MYL4: variants seen among roughly 807,000 people sequenced by gnomAD.
MYL4 encodes the protein myosin light chain 4, also known as atrial myosin light chain 1.
A neutral mutation model predicts 21.6 loss-of-function variants in MYL4; 16 were observed. The observed-to-expected ratio is 0.74, with a 90% CI of 0.50 to 1.12. The LOEUF is 1.12. Ranked by LOEUF, MYL4 falls within the 50% of genes most tolerant of loss-of-function variation. The probability of loss-of-function intolerance (pLI) is 0.00; values close to 1 mark genes in which losing one functional copy is unlikely to be tolerated. For missense variants in MYL4, 249 were observed against 252.9 expected, an observed-to-expected ratio of 0.98 and a Z score of 0.11; for synonymous variants, 82 against 95.7, an observed-to-expected ratio of 0.86 and a Z score of 0.83.
upstream of MYL4, among the ~76,000 whole-genome samples, chr17:47,208,795 C>G (rs1431573000): frequency 1.3e-5 from 2 of 152,046 alleles, no homozygotes; most frequent in Admixed American, 6.6e-5. Flanking sequence ...TCCTGGGATG[C>G]CTGCTCTGGA....
chr17:47,203,749 C>T (rs1008208090), intron 1 of MYL4, among the ~76,000 whole-genome samples: 6 of 152,164 alleles, frequency 3.9e-5, no homozygotes, highest in Admixed American at 1.3e-4. Flanking sequence ...CTTGGCCATA[C>T]AGGTTGTTCT....
At chr17:47,197,770 G>C (rs2149036930), upstream of MYL4, among the ~76,000 whole-genome samples, 1 of 152,304 alleles carries the variant, frequency 6.6e-6, no homozygotes, top group East Asian at 1.9e-4. Context: ...GTTTAAGGTA[G>C]GCTTTGCTAA....
chr17:47,203,214 G>A (rs2064715711), intron 1 of MYL4, among the ~76,000 whole-genome samples: 1 of 152,194 alleles, frequency 6.6e-6, no homozygotes, highest in Admixed American at 6.5e-5. Flanking sequence ...GCCTCCCAAA[G>A]TGCTGGGAAT....
chr17:47,206,451 C>T (rs967614386), upstream of MYL4, among the ~76,000 whole-genome samples: 4 of 151,964 alleles, frequency 2.6e-5, no homozygotes, highest in African/African-American at 7.3e-5. Flanking sequence ...GTTGTGTGTG[C>T]GTGTGTGTTT....
chr17:47,193,416 C>T, the MYL4 span, among the ~76,000 whole-genome samples: 13 of 152,138 alleles, frequency 8.5e-5, no homozygotes, highest in Non-Finnish European at 1.5e-4. Context: ...TACAGGTGTG[C>T]GCCACCACAC....
chr17:47,195,269 G>A, the MYL4 span, among the ~76,000 whole-genome samples: 2 of 140,470 alleles, frequency 1.4e-5, no homozygotes, highest in African/African-American at 5.3e-5. Context: ...TGCTCTTGTT[G>A]CCCAGGCTGG....
At chr17:47,209,818 T>G in intron 1 of MYL4, 1 of 570,614 alleles carries the variant, frequency 1.8e-6, no homozygotes, top group South Asian at 2.0e-5. Context: ...GCAGCTAAGT[T>G]GGGAATGGGG....
At chr17:47,227,343 T>A (rs1011741870), downstream of MYL4, among the ~76,000 whole-genome samples, 2 of 152,240 alleles carry the variant, frequency 1.3e-5, no homozygotes, top group Non-Finnish European at 2.9e-5. Flanking sequence ...GGAAGAGGTA[T>A]GCATAAAAAG....
At chr17:47,210,661 A>T (rs546796850) in intron 1 of MYL4, among the ~76,000 whole-genome samples, 7 of 152,216 alleles carry the variant, frequency 4.6e-5, no homozygotes, top group Middle Eastern at 3.4e-3. Context: ...CCCTCTGAGA[A>T]TTCCTCTCAT....
At chr17:47,195,795 G>T (rs947929192), upstream of MYL4, among the ~76,000 whole-genome samples, 2 of 152,162 alleles carry the variant, frequency 1.3e-5, no homozygotes, top group African/African-American at 2.4e-5. Context: ...TCTCCCTGCT[G>T]TTACTCTAGT....
chr17:47,191,913 T>C, the MYL4 span, among the ~76,000 whole-genome samples: 1 of 152,218 alleles, frequency 6.6e-6, no homozygotes, highest in East Asian at 1.9e-4. Context: ...AACCTAAATA[T>C]AGGACCTTAC....
At chr17:47,221,325 C>T (rs147407242) in intron 3 of MYL4, among the ~76,000 whole-genome samples, 64 of 152,262 alleles carry the variant, frequency 4.2e-4, no homozygotes, top group Middle Eastern at 3.4e-3. Flanking sequence ...GTGTGAGGCC[C>T]GGGCCGCGTG....
In MYL4 at chr17:47,209,352, C is replaced by T; in HGVS notation, c.-71C>T. ...AGGGAGGCAGCCCAGGCTCCTATCT[C>T]ATCTCCCAGACGCCACGTCTCTCGG... On this transcript the variant is annotated 5_prime_UTR_variant, in exon 1 of 7. Coordinates refer to ENST00000393450, the MANE Select transcript of MYL4 (RefSeq NM_002476.2). 6.2e-7 allele frequency: 1 copy of T among 1,604,902 alleles called. No homozygotes were observed. Among genetic ancestry groups the T allele is most frequent in the Non-Finnish European group, 8.5e-7 (1 of 1,173,346 alleles).
the MYL4 span, among the ~76,000 whole-genome samples, chr17:47,191,721 G>A: frequency 2.8e-4 from 42 of 152,140 alleles, no homozygotes; most frequent in Admixed American, 7.2e-4. Flanking sequence ...CACCCATCTC[G>A]GCCTCCCAAA....
upstream of MYL4, chr17:47,209,268 C>T: frequency 6.7e-6 from 6 of 900,784 alleles, no homozygotes; most frequent in Non-Finnish European, 1.0e-5. Flanking sequence ...TAGTCAGCAG[C>T]AGTTGCTCTT....
At chr17:47,211,015 A>G (rs1447387520) in intron 1 of MYL4, among the ~76,000 whole-genome samples, 1 of 152,026 alleles carries the variant, frequency 6.6e-6, no homozygotes, top group African/African-American at 2.4e-5. Flanking sequence ...GCCTAGTGGC[A>G]TCAAACTGGT....
At chr17:47,216,695 C>CTTT (rs200874260) in intron 2 of MYL4, among the ~76,000 whole-genome samples, 2 of 141,864 alleles carry the variant, frequency 1.4e-5, no homozygotes, top group Non-Finnish European at 1.5e-5. Flanking sequence ...TTTTCTTTTT[C>CTTT]TTTCTTTTTT....
chr17:47,190,275 A>C, the MYL4 span, among the ~76,000 whole-genome samples: 4 of 152,240 alleles, frequency 2.6e-5, no homozygotes, highest in South Asian at 4.1e-4. Context: ...CTCTGAACTT[A>C]TGTTCGCTTA....
chr17:47,227,238 T>G (rs1386016111), downstream of MYL4, among the ~76,000 whole-genome samples: 1 of 152,258 alleles, frequency 6.6e-6, no homozygotes, highest in African/African-American at 2.4e-5. Flanking sequence ...CTTGTTTATC[T>G]GAAGACAGAA....
Sources: gnomAD v4.1 joint callset for allele counts (sites outside exome capture counted in the v4.1 genomes callset) on GRCh38, gnomAD v4.1.1 for gene constraint, MANE v1.5 for transcripts, NCBI Gene and HGNC (gene_info 2026-07-23, HGNC 2026-07-21) for gene names.